Variants in TTC27 observed in about 807,000 individuals in gnomAD.
TTC27 encodes tetratricopeptide repeat protein 27.
Under a neutral mutation model 115.9 loss-of-function variants are expected in TTC27, and 79 were observed. That is an observed-to-expected ratio of 0.68 (90% confidence interval 0.57 to 0.82). TTC27 has a LOEUF of 0.82. Among genes scored for constraint, TTC27 ranks in the 40% least tolerant of loss-of-function variants. The probability of loss-of-function intolerance (pLI) is 0.00; values close to 1 mark genes in which losing one functional copy is unlikely to be tolerated. For synonymous variants in TTC27, 401 were observed against 356.0 expected, an observed-to-expected ratio of 1.13 and a Z score of -1.42; for missense variants, 1,054 against 993.1, an observed-to-expected ratio of 1.06 and a Z score of -0.82.
At chr2:32,752,020 A>C (rs1364752638) in intron 12 of TTC27, among the ~76,000 whole-genome samples, 1 of 152,220 alleles carries the variant, frequency 6.6e-6, no homozygotes, top group Non-Finnish European at 1.5e-5. Context: ...CTTAAGATCC[A>C]TGCTAGTCTG....
intron 18 of TTC27, among the ~76,000 whole-genome samples, chr2:32,814,626 T>G (rs886140260): frequency 6.6e-6 from 1 of 152,230 alleles, no homozygotes; most frequent in African/African-American, 2.4e-5. Context: ...CCCACATATA[T>G]GACAGTGGCC....
intron 16 of TTC27, among the ~76,000 whole-genome samples, chr2:32,801,069 G>A (rs1300346950): frequency 6.6e-6 from 1 of 152,196 alleles, no homozygotes; most frequent in African/African-American, 2.4e-5. Flanking sequence ...CTGTGACAGT[G>A]ACATTCATAT....
chr2:32,668,051 C>G (rs903825933), intron 7 of TTC27, among the ~76,000 whole-genome samples: 1 of 151,392 alleles, frequency 6.6e-6, no homozygotes, highest in South Asian at 2.1e-4. Context: ...ATTAACCGGG[C>G]GTGGTGGCGG....
At chr2:32,701,868 G>A (rs112698623) in intron 9 of TTC27, among the ~76,000 whole-genome samples, 4,315 of 151,826 alleles carry the variant, frequency 0.028, 78 homozygotes, top group Middle Eastern at 0.041. Context: ...TAAATTAGCC[G>A]GGCATGGTGG....
At chr2:32,673,771 G>C (rs1050963398) in intron 8 of TTC27, among the ~76,000 whole-genome samples, 3 of 152,034 alleles carry the variant, frequency 2.0e-5, no homozygotes, top group Non-Finnish European at 4.4e-5. Flanking sequence ...GAAGCGGATG[G>C]ATCACCCAAG....
At chr2:32,722,240 GA>G (rs1488621910) in intron 10 of TTC27, among the ~76,000 whole-genome samples, 4 of 152,154 alleles carry the variant, frequency 2.6e-5, no homozygotes, top group Non-Finnish European at 4.4e-5. Flanking sequence ...ACATATCTGA[GA>G]TATGAACATG....
At chr2:32,751,038 G>T (rs150188022) in intron 12 of TTC27, among the ~76,000 whole-genome samples, 2 of 152,250 alleles carry the variant, frequency 1.3e-5, no homozygotes, top group African/African-American at 4.8e-5. Flanking sequence ...CTCTGTGCTG[G>T]TAAAAGGCTG....
At chr2:32,645,298 A>C (rs1664812784) in intron 4 of TTC27, among the ~76,000 whole-genome samples, 1 of 152,162 alleles carries the variant, frequency 6.6e-6, no homozygotes, top group African/African-American at 2.4e-5. Context: ...ACCTTATGCT[A>C]GTTAATTTCT....
At chr2:32,700,490 TG>T (rs1251408358) in intron 9 of TTC27, among the ~76,000 whole-genome samples, 1 of 152,200 alleles carries the variant, frequency 6.6e-6, no homozygotes, top group Non-Finnish European at 1.5e-5. Context: ...TTATGGGTAG[TG>T]GAATCAGTTT....
Position 32,804,000 on chromosome 2 carries a change from C to G in TTC27, c.1999-7024C>G, listed in dbSNP as rs1352151672. On this transcript the variant is annotated intron_variant, in intron 16 of 19. Transcript: ENST00000317907. ...CCAGCCTGGGCGACAGAGCGAGACT[C>G]CATCTCAATTAAAAAAAAAAAAAAG... 2.8e-5 allele frequency among the ~76,000 whole-genome samples: 4 copies of G among 144,662 alleles called. No homozygotes were observed. In the South Asian group the frequency reaches 9.3e-4, roughly 34 times the overall value. 94.9% of individuals were successfully genotyped at this position (144,662 alleles called of 152,430 possible).
intron 9 of TTC27, among the ~76,000 whole-genome samples, chr2:32,693,099 C>T (rs1359716755): frequency 6.6e-6 from 1 of 152,122 alleles, no homozygotes; most frequent in Non-Finnish European, 1.5e-5. Context: ...AATTAACCTA[C>T]ATAATTAATA....
chr2:32,668,996 G>A (rs976270210), intron 7 of TTC27, among the ~76,000 whole-genome samples: 3 of 151,980 alleles, frequency 2.0e-5, no homozygotes, highest in South Asian at 2.1e-4. Flanking sequence ...GGAGAATGGC[G>A]TGAACCCGGG....
intron 12 of TTC27, among the ~76,000 whole-genome samples, chr2:32,743,016 TAA>T (rs1558320318): frequency 1.3e-5 from 2 of 152,154 alleles, no homozygotes; most frequent in Non-Finnish European, 2.9e-5. Flanking sequence ...CTGTATTTAT[TAA>T]GTCTAATTTT....
chr2:32,639,300 G>T (rs2710605), intron 3 of TTC27, among the ~76,000 whole-genome samples: 116,782 of 152,172 alleles, frequency 0.77, 44,969 homozygotes, highest in Middle Eastern at 0.82. Flanking sequence ...GCTCGCTATT[G>T]TATGGAGCTG....
At chr2:32,729,611 C>G (rs1355260178) in intron 10 of TTC27, among the ~76,000 whole-genome samples, 1 of 152,118 alleles carries the variant, frequency 6.6e-6, no homozygotes. Flanking sequence ...AACTTGAAAA[C>G]AGTCTCATAT....
chr2:32,780,156 C>G (rs948129341), intron 14 of TTC27: 2 of 445,486 alleles, frequency 4.5e-6, no homozygotes, highest in East Asian at 1.4e-4. Flanking sequence ...ATAGTTTTGG[C>G]TATTCAGCAT....
At chr2:32,700,383 C>T (rs1182091548) in intron 9 of TTC27, among the ~76,000 whole-genome samples, 1 of 151,946 alleles carries the variant, frequency 6.6e-6, no homozygotes, top group African/African-American at 2.4e-5. Context: ...TTTTACAGAG[C>T]CTTTTCCTCA....
intron 5 of TTC27, among the ~76,000 whole-genome samples, chr2:32,660,808 A>G (rs1367897274): frequency 2.0e-5 from 3 of 152,106 alleles, no homozygotes; most frequent in African/African-American, 7.2e-5. Context: ...TTTCGTTGCC[A>G]TTGCTTTTGG....
At chr2:32,800,169 A>C (rs1447678295) in intron 16 of TTC27, among the ~76,000 whole-genome samples, 1 of 152,240 alleles carries the variant, frequency 6.6e-6, no homozygotes, top group Non-Finnish European at 1.5e-5. Flanking sequence ...TACCTGGCAG[A>C]TACATACAAG....
Sources: gnomAD v4.1 joint callset for allele counts (sites outside exome capture counted in the v4.1 genomes callset) on GRCh38, gnomAD v4.1.1 for gene constraint, MANE v1.5 for transcripts, NCBI Gene and HGNC (gene_info 2026-07-23, HGNC 2026-07-21) for gene names.